Variants in DLGAP2 observed in about 807,000 individuals in gnomAD.
DLGAP2 encodes the protein DLG associated protein 2, also known as disks large-associated protein 2.
A neutral mutation model predicts 100.3 loss-of-function variants in DLGAP2; 26 were observed. The ratio of observed to expected loss-of-function variants is 0.26; its 90% CI spans 0.19 to 0.36. DLGAP2 has a LOEUF of 0.36. DLGAP2 is among the 10% of genes least tolerant of loss of function. The pLI is 1.00. For synonymous variants in DLGAP2, 886 were observed against 630.1 expected (o/e 1.41, Z -6.08); for missense variants, 1,858 against 1,453.2 (o/e 1.28, Z -4.53).
At chr8:1,566,962 G>A (rs539007729) in intron 6 of DLGAP2, among the ~76,000 whole-genome samples, 1 of 152,354 alleles carries the variant, frequency 6.6e-6, no homozygotes, top group African/African-American at 2.4e-5. Context: ...CCGCATGTCT[G>A]CCCAGCCCAG....
intron 6 of DLGAP2, among the ~76,000 whole-genome samples, chr8:1,591,708 C>G (rs866127789): frequency 3.9e-5 from 6 of 152,264 alleles, no homozygotes; most frequent in African/African-American, 7.2e-5. Context: ...CCAGTTTACA[C>G]CCCACACACC....
intron 3 of DLGAP2, among the ~76,000 whole-genome samples, chr8:1,316,811 G>C (rs1585252865): frequency 1.4e-5 from 2 of 145,818 alleles, no homozygotes; most frequent in African/African-American, 5.3e-5. Context: ...AAACTCGGTA[G>C]CGTTTAAAAA....
chr8:1,383,423 C>T (rs937384027), intron 3 of DLGAP2, among the ~76,000 whole-genome samples: 2 of 152,232 alleles, frequency 1.3e-5, no homozygotes, highest in Non-Finnish European at 2.9e-5. Flanking sequence ...TACAGAGATT[C>T]TGTCAAATGG....
At position 1,668,356 on chromosome 8, in the gene DLGAP2, C is replaced by T. The variant is rs756704378; in HGVS notation, c.1838C>T (p.Thr613Met). ...AAVSYTNYKK[T>M]PPPVPPRTTS... The stretch of plus-strand genomic sequence containing the variant: ...GTCTCATATACAAATTACAAGAAAA[C>T]GCCCCCACCGGTGCCCCCTCGGACC... The change falls in exon 9 of 15, where the codon ACG becomes ATG. Residue 613 changes from threonine to methionine, a missense_variant. Physicochemically the swap from Thr to Met is moderately conservative, Grantham distance 81. Coordinates refer to ENST00000637795, the MANE Select transcript of DLGAP2 (RefSeq NM_001346810.2). The T allele has an allele frequency of 9.8e-6, 15 of 1,529,902 alleles. No individual in the cohort carries two copies. Among genetic ancestry groups the T allele is most frequent in the Admixed American group, 8.9e-5 (4 of 44,852 alleles). The allele number at this position is 1,529,902 out of a possible 1,614,324, so 94.8% of individuals were successfully genotyped here. A position where few individuals can be genotyped will look rare whatever the true frequency, so the allele number is the denominator to read the frequency against.
At chr8:1,697,385 G>C in intron 14 of DLGAP2, 86 bp downstream of exon 14, 2 of 1,493,296 alleles carry the variant, frequency 1.3e-6, no homozygotes, top group Non-Finnish European at 1.8e-6. Flanking sequence ...CATGACAACG[G>C]GGTTCTCAGT....
chr8:1,133,151 ATTG>A (rs1796333043), intron 2 of DLGAP2, among the ~76,000 whole-genome samples: 1 of 152,110 alleles, frequency 6.6e-6, no homozygotes, highest in African/African-American at 2.4e-5. Context: ...TTCCTTGGCT[ATTG>A]TTTTAGGTGA....
chr8:744,721 C>T (rs376253036), intron 1 of DLGAP2, among the ~76,000 whole-genome samples: 2 of 152,206 alleles, frequency 1.3e-5, no homozygotes, highest in East Asian at 1.9e-4. Flanking sequence ...CTGCTTCCCA[C>T]GGTCACTCCC....
intron 2 of DLGAP2, among the ~76,000 whole-genome samples, chr8:1,058,147 T>C (rs955600072): frequency 1.3e-5 from 2 of 151,524 alleles, no homozygotes; most frequent in East Asian, 1.9e-4. Context: ...CTTGGCTGGA[T>C]TGACTAGCGG....
intron 3 of DLGAP2, among the ~76,000 whole-genome samples, chr8:1,355,991 G>A (rs1371544743): frequency 6.6e-6 from 1 of 152,106 alleles, no homozygotes; most frequent in Non-Finnish European, 1.5e-5. Flanking sequence ...CCGCATTTGG[G>A]TGTTTGTGTA....
Position 1,533,449 on chromosome 8 carries a change from T to C in DLGAP2, c.173-15177T>C, listed in dbSNP as rs550177627. Among the ~76,000 whole-genome samples the C allele has an allele frequency of 2.6e-5, 4 of 151,760 alleles. No individual in the cohort carries two copies. In the East Asian group the frequency reaches 7.8e-4, roughly 30 times the overall value. On this transcript the variant is annotated intron_variant, in intron 4 of 14. Transcript: ENST00000637795. ...TGAACCTGGGAGGCAGAGTTTGCAG[T>C]GAGCCGAGATCGCGCCACTGCATTC...
chr8:1,190,486 T>C (rs1486089839), intron 2 of DLGAP2, among the ~76,000 whole-genome samples: 1 of 152,148 alleles, frequency 6.6e-6, no homozygotes, highest in Non-Finnish European at 1.5e-5. Context: ...CCGGGCAATC[T>C]TTCCCGGCAG....
intron 4 of DLGAP2, among the ~76,000 whole-genome samples, chr8:1,546,818 C>T (rs780124493): frequency 1.3e-5 from 2 of 152,034 alleles, no homozygotes; most frequent in African/African-American, 2.4e-5. Context: ...GTGGGAGAGA[C>T]GCTTATGGTG....
intron 1 of DLGAP2, among the ~76,000 whole-genome samples, chr8:829,934 A>G (rs1796750893): frequency 6.6e-6 from 1 of 152,186 alleles, no homozygotes; most frequent in Non-Finnish European, 1.5e-5. Context: ...TATTGACAAC[A>G]ATGTTCAATT....
rs182673381 is a variant in DLGAP2, at chr8:1,047,285, G to T, written c.73+139319G>T. ...TTCTTTCACTTAGCAAGGTTGTCAAGCTTCTATATTTTATGATATACAGGT... is the reference window on the plus strand; with the variant it reads ...TTCTTTCACTTAGCAAGGTTGTCAATCTTCTATATTTTATGATATACAGGT... On this transcript the variant is annotated intron_variant, in intron 2 of 14. Coordinates refer to ENST00000637795, the MANE Select transcript of DLGAP2 (RefSeq NM_001346810.2). 7.2e-5 allele frequency among the ~76,000 whole-genome samples: 11 copies of T among 152,300 alleles called. No individual in the cohort carries two copies. In the East Asian group the frequency reaches 1.9e-3, roughly 27 times the overall value.
intron 2 of DLGAP2, among the ~76,000 whole-genome samples, chr8:1,236,887 C>CT (rs1295288661): frequency 8.2e-6 from 1 of 122,390 alleles, no homozygotes; most frequent in African/African-American, 3.2e-5. Flanking sequence ...GTCTAGTTCT[C>CT]TAACATGGCG....
At chr8:1,625,640 C>T (rs1797471407) in intron 6 of DLGAP2, among the ~76,000 whole-genome samples, 1 of 152,146 alleles carries the variant, frequency 6.6e-6, no homozygotes, top group Non-Finnish European at 1.5e-5. Context: ...GCCAGAGAGC[C>T]AATAATTTTT....
intron 2 of DLGAP2, among the ~76,000 whole-genome samples, chr8:951,725 A>C (rs1443468305): frequency 6.6e-6 from 1 of 152,198 alleles, no homozygotes; most frequent in South Asian, 2.1e-4. Context: ...GAGCATCGTC[A>C]TTCAGACGGG....
In DLGAP2 at chr8:1,537,324, G is replaced by A. The variant is rs1436105814; in HGVS notation, c.173-11302G>A. ...ATAGTTGTGTGTGCCTGTGTGTGTG[G>A]TGAGTGTGTGTTGGGGTGGAGGTGA... On this transcript the variant is annotated intron_variant, in intron 4 of 14. Transcript: ENST00000637795. Among the ~76,000 whole-genome samples the A allele has an allele frequency of 2.6e-5, 4 of 152,168 alleles. No homozygotes were observed. In the East Asian group the frequency reaches 7.7e-4, roughly 29 times the overall value.
rs183622760 is a variant in DLGAP2, at chr8:1,101,385, A to G, written c.74-157466A>G. On this transcript the variant is annotated intron_variant, in intron 2 of 14. Coordinates refer to ENST00000637795, the MANE Select transcript of DLGAP2 (RefSeq NM_001346810.2). Reference sequence around the variant, plus strand: ...GTTTATTAGAATTCCGCCACAGGCTACAAAGTGGATGAACCTTGAGGACAT... The same window carrying G: ...GTTTATTAGAATTCCGCCACAGGCTGCAAAGTGGATGAACCTTGAGGACAT... 1.5e-3 allele frequency among the ~76,000 whole-genome samples: 231 copies of G among 152,324 alleles called. 1 individual carries two copies. Among genetic ancestry groups the G allele is most frequent in the African/African-American group, 5.0e-3 (209 of 41,572 alleles).
Sources: allele counts gnomAD v4.1 joint callset (sites outside exome capture counted in the v4.1 genomes callset), GRCh38; gene constraint gnomAD v4.1.1; transcripts MANE v1.5; gene names NCBI Gene and HGNC (gene_info 2026-07-23, HGNC 2026-07-21).